Variants in TRAM2 observed in about 807,000 individuals in gnomAD.
The protein encoded by TRAM2 is translocating chain-associated membrane protein 2.
In TRAM2, 12 loss-of-function variants were observed where a neutral mutation model predicts 51.0. The ratio of observed to expected loss-of-function variants is 0.24; its 90% CI spans 0.15 to 0.38. TRAM2 has a LOEUF of 0.38. Among genes scored for constraint, TRAM2 ranks in the 10% least tolerant of loss-of-function variants. TRAM2 has a pLI of 1.00. For synonymous variants in TRAM2, 175 were observed against 179.4 expected (o/e 0.98, Z 0.20); for missense variants, 361 against 462.0 (o/e 0.78, Z 2.00).
chr6:52,554,895 A>G (rs920216681), intron 1 of TRAM2, among the ~76,000 whole-genome samples: 1 of 151,410 alleles, frequency 6.6e-6, no homozygotes, highest in Non-Finnish European at 1.5e-5. Context: ...CAGCCTCTTC[A>G]GTAGCTGAGG....
chr6:52,508,356 G>A, intron 5 of TRAM2, 38 bp from the exon 6 acceptor site: 1 of 1,597,362 alleles, frequency 6.3e-7, no homozygotes, highest in African/African-American at 1.3e-5. Context: ...GCAGGATAGA[G>A]AAAAGTGTCC....
intron 2 of TRAM2, among the ~76,000 whole-genome samples, chr6:52,530,825 C>T (rs376489419): frequency 3.3e-5 from 5 of 151,942 alleles, no homozygotes; most frequent in Non-Finnish European, 7.4e-5. Flanking sequence ...TTTGTTACAC[C>T]GGCCCTAGGA....
intron 4 of TRAM2, among the ~76,000 whole-genome samples, chr6:52,513,106 T>C (rs184462905): frequency 5.3e-5 from 8 of 152,272 alleles, no homozygotes; most frequent in Non-Finnish European, 8.8e-5. Context: ...GAGGCTGACA[T>C]TCCTATAAAA....
chr6:52,552,422 GTACATATAT>G (rs1767325076), intron 1 of TRAM2, among the ~76,000 whole-genome samples: 1 of 152,222 alleles, frequency 6.6e-6, no homozygotes, highest in Admixed American at 6.5e-5. Flanking sequence ...TCAAATGGCT[GTACATATAT>G]TACTAAGAGG....
intron 2 of TRAM2, among the ~76,000 whole-genome samples, chr6:52,532,850 C>T (rs893856472): frequency 6.6e-6 from 1 of 152,054 alleles, no homozygotes; most frequent in African/African-American, 2.4e-5. Context: ...AACGTTCTAA[C>T]TTTAGTTTTT....
At chr6:52,560,740 C>A (rs1324003994) in intron 1 of TRAM2, among the ~76,000 whole-genome samples, 1 of 152,224 alleles carries the variant, frequency 6.6e-6, no homozygotes, top group Non-Finnish European at 1.5e-5. Context: ...CAATAACCAG[C>A]ACTGCTGGGT....
intron 1 of TRAM2, among the ~76,000 whole-genome samples, chr6:52,571,476 C>A (rs1260784256): frequency 6.6e-6 from 1 of 152,190 alleles, no homozygotes; most frequent in South Asian, 2.1e-4. Context: ...AGGGTTCAGA[C>A]AACAGAGCAG....
intron 1 of TRAM2, among the ~76,000 whole-genome samples, chr6:52,542,719 T>C (rs72927127): frequency 0.021 from 3,138 of 152,302 alleles, 40 homozygotes; most frequent in Admixed American, 0.037. Flanking sequence ...AAAGTGACAT[T>C]GTGTATTTAT....
intron 7 of TRAM2, among the ~76,000 whole-genome samples, chr6:52,506,782 C>CA (rs1284644817): frequency 6.6e-6 from 1 of 152,144 alleles, no homozygotes; most frequent in African/African-American, 2.4e-5. Flanking sequence ...AGACAGGAGA[C>CA]AGAGTTTGAG....
Position 52,500,070 on chromosome 6 carries a change from G to C in TRAM2, c.*3127C>G, listed in dbSNP as rs1299048198. 6.6e-6 allele frequency: 1 copy of C among 152,018 alleles called. No homozygotes were observed. Among genetic ancestry groups the C allele is most frequent in the Non-Finnish European group, 1.5e-5 (1 of 67,934 alleles). The allele number at this position is 152,018 out of a possible 1,614,324, so 9.4% of individuals were successfully genotyped here. A position where few individuals can be genotyped will look rare whatever the true frequency, so the allele number is the denominator to read the frequency against. On this transcript the variant is annotated 3_prime_UTR_variant, in exon 11 of 11. Transcript: ENST00000182527. ...AGCGCCACCTCCCTCTCCTCCTGCT[G>C]TGTCTGTTGGCTTCCCCACAAATGT...
chr6:52,516,707 G>A lies in TRAM2; in HGVS notation c.215C>T (p.Pro72Leu). ...DSETVHYHYG[P>L]KDLVTILFYI... ...GAACAAGATTGTGACCAGGTCCTTA[G>A]GGCCATAGTGGTAGTGCACGGTCTC... is the stretch of plus-strand genomic sequence containing the variant. Residue 72 changes from proline (P) to leucine (L), a missense_variant, in exon 3 of 11, where the codon CCT becomes CTT. Pro to Leu is a moderately conservative substitution (Grantham distance 98). Coordinates refer to ENST00000182527, the MANE Select transcript of TRAM2 (RefSeq NM_012288.4). 1 of 1,614,124 alleles carries A rather than the reference G, an allele frequency of 6.2e-7. No individual in the cohort carries two copies. Among genetic ancestry groups the A allele is most frequent in the Non-Finnish European group, 8.5e-7 (1 of 1,179,982 alleles).
At chr6:52,535,215 T>C (rs1766958643) in intron 2 of TRAM2, among the ~76,000 whole-genome samples, 1 of 152,156 alleles carries the variant, frequency 6.6e-6, no homozygotes, top group Non-Finnish European at 1.5e-5. Context: ...CAGAACTCAA[T>C]GTTAGATGCT....
Position 52,543,809 on chromosome 6 carries a change from G to T in TRAM2, c.121-7963C>A, listed in dbSNP as rs184545951. On this transcript the variant is annotated intron_variant, in intron 1 of 10. Coordinates refer to ENST00000182527, the MANE Select transcript of TRAM2 (RefSeq NM_012288.4). ...AAGCAACAAGAGTGGGTGCCAGGGA[G>T]AATCATCCCCAAGGAACTTCTGGCA... Among the ~76,000 whole-genome samples the T allele has an allele frequency of 6.6e-5, 10 of 152,304 alleles. No homozygotes were observed. The East Asian group carries it at 1.2e-3, about 18-fold the overall frequency.
chr6:52,519,810 T>TA (rs541387664), intron 2 of TRAM2, among the ~76,000 whole-genome samples: 48,292 of 145,386 alleles, frequency 0.33, 8,371 homozygotes, highest in Non-Finnish European at 0.42. Flanking sequence ...GATTCAGCCT[T>TA]AAAAAAAAAA....
intron 1 of TRAM2, among the ~76,000 whole-genome samples, chr6:52,538,135 CAG>C (rs1198553613): frequency 1.3e-5 from 2 of 152,210 alleles, no homozygotes; most frequent in African/African-American, 4.8e-5. Flanking sequence ...GAAGGAAGAT[CAG>C]AGGAGTTGGA....
chr6:52,575,725 T>C (rs1169858512), intron 1 of TRAM2, among the ~76,000 whole-genome samples: 2 of 151,948 alleles, frequency 1.3e-5, no homozygotes, highest in Non-Finnish European at 2.9e-5. Context: ...AACCCAACCG[T>C]GAGAATGCAA....
chr6:52,546,511 G>A (rs1012644035), intron 1 of TRAM2, among the ~76,000 whole-genome samples: 1 of 152,190 alleles, frequency 6.6e-6, no homozygotes, highest in Non-Finnish European at 1.5e-5. Flanking sequence ...CTGGACTTAG[G>A]TAGTGGCAAC....
intron 2 of TRAM2, among the ~76,000 whole-genome samples, chr6:52,520,293 G>A (rs753411105): frequency 4.6e-5 from 7 of 152,184 alleles, no homozygotes; most frequent in Non-Finnish European, 1.0e-4. Flanking sequence ...CAAGACATGC[G>A]GACTGTACCC....
At position 52,506,131 on chromosome 6, in the gene TRAM2, C is replaced by G; in HGVS notation, c.632G>C (p.Ser211Thr). The change falls in exon 8 of 11, where the codon AGC (serine) becomes ACC (threonine). Residue 211 changes from serine (S) to threonine (T), a missense_variant. Coordinates refer to ENST00000182527, the MANE Select transcript of TRAM2 (RefSeq NM_012288.4). ...CAGCAGCAAGATCAGGCCCAGGCGG[C>G]TCAGGCTGGGGGTGGGGAAGACTAG... Reference protein sequence around the residue: ...HIAGAYLLNLSRLGLILLLLQ... With the variant: ...HIAGAYLLNLTRLGLILLLLQ... 1 of 1,613,654 alleles carries G rather than the reference C, an allele frequency of 6.2e-7. No homozygotes were observed. The highest frequency in any genetic ancestry group is 8.5e-7 in the Non-Finnish European group (1 of 1,179,924).
Sources: allele counts gnomAD v4.1 joint callset (sites outside exome capture counted in the v4.1 genomes callset), GRCh38; gene constraint gnomAD v4.1.1; transcripts MANE v1.5; gene names NCBI Gene and HGNC (gene_info 2026-07-23, HGNC 2026-07-21).